Variants in NR3C2 observed in about 807,000 individuals in gnomAD.
NR3C2 encodes mineralocorticoid receptor.
A neutral mutation model predicts 86.4 loss-of-function variants in NR3C2; 15 were observed. The ratio of observed to expected loss-of-function variants is 0.17; its 90% CI spans 0.12 to 0.27. The LOEUF is 0.27. NR3C2 is among the 10% of genes least tolerant of loss of function. The pLI, the probability that NR3C2 is intolerant of heterozygous loss-of-function variation, is 1.00. For synonymous variants in NR3C2, 458 were observed against 450.5 expected (o/e 1.02, Z -0.21); for missense variants, 960 against 1,195.6 (o/e 0.80, Z 2.91).
chr4:148,316,120 A>G (rs142947200), intron 2 of NR3C2, among the ~76,000 whole-genome samples: 112 of 152,308 alleles, frequency 7.4e-4, no homozygotes, highest in African/African-American at 2.5e-3. Context: ...AATTTTTTTC[A>G]TATCGAAAAT....
upstream of NR3C2, chr4:148,444,980 G>A (rs1432549287): frequency 3.0e-6 from 3 of 984,780 alleles, no homozygotes; most frequent in African/African-American, 1.8e-5. Context: ...GTGAGGGGGC[G>A]GTCGCAGGGG....
intron 1 of NR3C2, among the ~76,000 whole-genome samples, chr4:148,438,560 T>C (rs1233513564): frequency 6.6e-6 from 1 of 151,980 alleles, no homozygotes; most frequent in Non-Finnish European, 1.5e-5. Flanking sequence ...TCTCATCCTT[T>C]CCCCTCTTTG....
At chr4:148,286,172 C>T (rs1398146431) in intron 2 of NR3C2, among the ~76,000 whole-genome samples, 1 of 152,208 alleles carries the variant, frequency 6.6e-6, no homozygotes, top group Non-Finnish European at 1.5e-5. Flanking sequence ...ATAAACTTCT[C>T]TGGCAGTTAC....
Position 148,436,757 on chromosome 4 carries a change from T to C in NR3C2, c.104A>G (p.Glu35Gly), listed in dbSNP as rs1183906274. 1.9e-6 allele frequency: 3 copies of C among 1,614,128 alleles called. No individual in the cohort carries two copies. The highest frequency in any genetic ancestry group is 2.5e-6 in the Non-Finnish European group (3 of 1,179,972). Residue 35 changes from glutamate to glycine, a missense_variant, in exon 2 of 9, where the codon GAG becomes GGG. This residue lies in a region of NR3C2 where 680 missense variants were observed against 719.0 expected (regional missense o/e 0.95). Coordinates refer to ENST00000358102, the MANE Select transcript of NR3C2 (RefSeq NM_000901.5). ...CATGTAGTTATTCTCATCGGTCCTC[T>C]CTGTAGGTCCCAGGGAAGAACGCTC... ...AVERSSLGPT[E>G]RTDENNYMEI...
chr4:148,387,563 T>C (rs564822242), intron 2 of NR3C2, among the ~76,000 whole-genome samples: 1 of 152,332 alleles, frequency 6.6e-6, no homozygotes, highest in African/African-American at 2.4e-5. Context: ...TGGTCACATG[T>C]TTAGACCAAG....
chr4:148,386,888 C>T (rs1483290692), intron 2 of NR3C2, among the ~76,000 whole-genome samples: 2 of 152,162 alleles, frequency 1.3e-5, no homozygotes, highest in Non-Finnish European at 2.9e-5. Context: ...TTCATCTCGG[C>T]CTCTCTACTC....
At chr4:148,186,983 T>C (rs1475837515) in intron 4 of NR3C2, among the ~76,000 whole-genome samples, 1 of 32,504 alleles carries the variant, frequency 3.1e-5, no homozygotes, top group Non-Finnish European at 4.8e-5. Context: ...ATCATACTGA[T>C]GTGTGTATGT....
Position 148,285,247 on chromosome 4 carries a change from T to C in NR3C2, c.1758-25130A>G, listed in dbSNP as rs141248693. On this transcript the variant is annotated intron_variant, in intron 2 of 8. Transcript: ENST00000358102. ...TCATGGACATGAAAATGCTAAAAAA[T>C]ATTTAGGGTCTTCTAATCAGTAACT... 7.5e-3 allele frequency among the ~76,000 whole-genome samples: 1,143 copies of C among 152,234 alleles called. 17 individuals are homozygous for C. Among genetic ancestry groups the C allele is most frequent in the African/African-American group, 0.026 (1,078 of 41,528 alleles).
chr4:148,399,426 T>C (rs1385049472), intron 2 of NR3C2, among the ~76,000 whole-genome samples: 1 of 151,908 alleles, frequency 6.6e-6, no homozygotes, highest in Admixed American at 6.6e-5. Flanking sequence ...TAGTGTATTA[T>C]ATATAATTAA....
intron 2 of NR3C2, among the ~76,000 whole-genome samples, chr4:148,400,223 A>G (rs1266605146): frequency 2.0e-5 from 3 of 152,210 alleles, no homozygotes; most frequent in Admixed American, 6.5e-5. Context: ...AAAACCTTCA[A>G]GGGCTGAGCT....
intron 4 of NR3C2, among the ~76,000 whole-genome samples, chr4:148,169,931 T>C (rs907475039): frequency 2.6e-5 from 4 of 152,218 alleles, no homozygotes; most frequent in Non-Finnish European, 5.9e-5. Flanking sequence ...CTAAAGGTTC[T>C]GAATGAGATT....
At chr4:148,276,280 T>G (rs940063253) in intron 2 of NR3C2, among the ~76,000 whole-genome samples, 10 of 152,186 alleles carry the variant, frequency 6.6e-5, no homozygotes, top group Non-Finnish European at 1.3e-4. Context: ...GCATATAAAT[T>G]AGGAATTACA....
At chr4:148,431,648 C>A (rs1749805546) in intron 2 of NR3C2, among the ~76,000 whole-genome samples, 1 of 152,212 alleles carries the variant, frequency 6.6e-6, no homozygotes, top group South Asian at 2.1e-4. Context: ...ACCACTCTCA[C>A]TGAATGCCCA....
chr4:148,159,887 C>G (rs1178207205), intron 4 of NR3C2, among the ~76,000 whole-genome samples: 1 of 152,158 alleles, frequency 6.6e-6, no homozygotes, highest in Non-Finnish European at 1.5e-5. Context: ...CTTACTAAAT[C>G]AATATTGAGT....
intron 2 of NR3C2, among the ~76,000 whole-genome samples, chr4:148,338,838 A>T (rs1245455601): frequency 1.3e-5 from 2 of 152,222 alleles, no homozygotes; most frequent in Non-Finnish European, 2.9e-5. Flanking sequence ...CAATAAAAGC[A>T]TAGGGGCCAA....
intron 2 of NR3C2, among the ~76,000 whole-genome samples, chr4:148,347,687 G>A (rs752678965): frequency 2.6e-5 from 4 of 152,040 alleles, no homozygotes; most frequent in African/African-American, 4.8e-5. Flanking sequence ...GAGTACCTAC[G>A]CATGCCCCGA....
At position 148,436,641 on chromosome 4, in the gene NR3C2, G is replaced by A. The variant is rs1295237037; in HGVS notation, c.220C>T (p.Leu74Phe). The change falls in exon 2 of 9, where the codon CTT (leucine) becomes TTT (phenylalanine). Residue 74 changes from leucine (L) to phenylalanine (F), a missense_variant. Around this residue, in one of 4 missense-constraint regions of NR3C2, gnomAD observed 680 missense variants for 719.0 expected, o/e 0.95. Transcript: ENST00000358102. ...CCAGGCCGATTATTGTCTTGCTGAA[G>A]GCAAGGGAGTAGTTCTTGTTTTTCT... Reference protein sequence around the residue: ...SKEKQELLPCLQQDNNRPGIL... With the variant: ...SKEKQELLPCFQQDNNRPGIL... 1.7e-5 allele frequency: 28 copies of A among 1,614,076 alleles called. No homozygotes were observed. Among genetic ancestry groups the A allele is most frequent in the Non-Finnish European group, 2.2e-5 (26 of 1,180,046 alleles).
At chr4:148,264,743 C>T (rs900561031) in intron 2 of NR3C2, among the ~76,000 whole-genome samples, 1 of 152,150 alleles carries the variant, frequency 6.6e-6, no homozygotes, top group Non-Finnish European at 1.5e-5. Context: ...CTGTCCTGAT[C>T]AAGTTTAATC....
chr4:148,442,488 G>A (rs72646915), upstream of NR3C2: 2 of 239,202 alleles, frequency 8.4e-6, no homozygotes, highest in Non-Finnish European at 6.8e-6. Flanking sequence ...AAGCCCGGAG[G>A]GGGAGTGGGC....
Sources: allele counts gnomAD v4.1 joint callset (sites outside exome capture counted in the v4.1 genomes callset), GRCh38; gene constraint gnomAD v4.1.1; regional missense constraint gnomAD v4.1.1; transcripts MANE v1.5; gene names NCBI Gene and HGNC (gene_info 2026-07-23, HGNC 2026-07-21).